Variants in CACNA2D4 observed in about 807,000 individuals in gnomAD.
CACNA2D4 encodes calcium voltage-gated channel auxiliary subunit alpha2delta 4.
In CACNA2D4, 157 loss-of-function variants were observed where a neutral mutation model predicts 163.8. The observed-to-expected ratio is 0.96, with a 90% CI of 0.84 to 1.09. CACNA2D4 has a LOEUF of 1.09. CACNA2D4 is among the 50% of genes least tolerant of loss of function. The pLI is 0.00. For synonymous variants in CACNA2D4, 598 were observed against 586.9 expected (o/e 1.02, Z -0.27); for missense variants, 1,410 against 1,479.9 (o/e 0.95, Z 0.78).
In CACNA2D4 at chr12:1,805,932, C is replaced by T. The variant is rs570206442; in HGVS notation, c.2722-4288G>A. On this transcript the variant is annotated intron_variant, in intron 29 of 37. Coordinates refer to ENST00000382722, the MANE Select transcript of CACNA2D4 (RefSeq NM_172364.5). ...GGAAGGTGAGAGGGATTCAGAGAAA[C>T]AGGAGCCGAGGCCCAGAAAGGCATG... is the stretch of plus-strand genomic sequence containing the variant. 3.3e-5 allele frequency among the ~76,000 whole-genome samples: 5 copies of T among 152,342 alleles called. No individual in the cohort carries two copies. The South Asian group carries it at 1.0e-3, about 32-fold the overall frequency.
chr12:1,806,877 G>GAA lies in CACNA2D4; in HGVS notation c.2721+3399_2721+3400dup, dbSNP rs1863555561. 6.6e-6 allele frequency among the ~76,000 whole-genome samples: 1 copy of GAA among 152,062 alleles called. No homozygotes were observed. Among genetic ancestry groups the GAA allele is most frequent in the Non-Finnish European group, 1.5e-5 (1 of 68,016 alleles). ...GAGATAAGCAGGGAGGAGCAGTGAG[G>GAA]AATGAATGAGTTAGGGGAGGCCAGG... is the stretch of plus-strand genomic sequence containing the variant. On this transcript the variant is annotated intron_variant, in intron 29 of 37. Coordinates refer to ENST00000382722, the MANE Select transcript of CACNA2D4 (RefSeq NM_172364.5). This position sits in a 1 kb window ranked among gnomAD's most constrained non-coding sequence, Gnocchi z 4.1.
intron 26 of CACNA2D4, among the ~76,000 whole-genome samples, chr12:1,824,480 T>C (rs1356674694): frequency 2.0e-5 from 3 of 152,186 alleles, no homozygotes; most frequent in African/African-American, 7.2e-5. Context: ...TGGCTCTCTC[T>C]GGAAGGGAGG....
intron 18 of CACNA2D4, among the ~76,000 whole-genome samples, chr12:1,863,621 T>C (rs1865572091): frequency 6.6e-6 from 1 of 152,246 alleles, no homozygotes; most frequent in African/African-American, 2.4e-5. Context: ...GTTTTCAGTG[T>C]AGAGGTCATA....
At chr12:1,881,388 G>A (rs1310552581) in intron 13 of CACNA2D4, among the ~76,000 whole-genome samples, 1 of 152,218 alleles carries the variant, frequency 6.6e-6, no homozygotes, top group African/African-American at 2.4e-5. Flanking sequence ...AACACTCCAG[G>A]CCACCTTCAG....
rs1001061877 is a variant in CACNA2D4, at chr12:1,799,974, A to G, written c.2974+26T>C. On this transcript the variant is annotated intron_variant, in intron 33 of 37. Coordinates refer to ENST00000382722, the MANE Select transcript of CACNA2D4 (RefSeq NM_172364.5). This position sits in a 1 kb window ranked among gnomAD's most constrained non-coding sequence, Gnocchi z 4.7. The stretch of plus-strand genomic sequence containing the variant: ...CCAAAATGCCACTGCTCTTCAGCAC[A>G]TGGCCCTGCAGCTCCGTGCACTCAC... 5.6e-6 allele frequency: 9 copies of G among 1,594,874 alleles called. No individual in the cohort carries two copies. In the African/African-American group the frequency reaches 1.2e-4, roughly 21 times the overall value.
intron 29 of CACNA2D4, chr12:1,809,549 TTCTC>T: frequency 4.3e-6 from 3 of 703,016 alleles, no homozygotes; most frequent in Non-Finnish European, 7.8e-6. Flanking sequence ...ATGGGCTTCT[TTCTC>T]AGTTTGATTC....
chr12:1,894,386 G>T (rs1866354419), intron 6 of CACNA2D4, among the ~76,000 whole-genome samples: 2 of 152,132 alleles, frequency 1.3e-5, no homozygotes, highest in South Asian at 4.1e-4. Context: ...CTCGTTCTGT[G>T]AGGCCAGCAT....
chr12:1,901,236 A>G (rs529163775), intron 6 of CACNA2D4, among the ~76,000 whole-genome samples: 3 of 152,276 alleles, frequency 2.0e-5, no homozygotes, highest in South Asian at 2.1e-4. Flanking sequence ...TTACGTGTCT[A>G]CATCAAGAAA....
intron 23 of CACNA2D4, among the ~76,000 whole-genome samples, chr12:1,851,098 G>C (rs575475868): frequency 2.6e-5 from 4 of 151,808 alleles, no homozygotes; most frequent in African/African-American, 9.7e-5. Context: ...TCACAGGCTG[G>C]TCTTGAACTT....
At position 1,793,679 on chromosome 12, in the gene CACNA2D4, C is replaced by A. The variant is rs1565665628; in HGVS notation, c.3390G>T (p.Gly1130=). The change falls in exon 38 of 38, where the codon GGG becomes GGT. Residue 1130 remains glycine, a synonymous_variant. Transcript: ENST00000382722. The part of the protein sequence containing the change: ...PLLLLPVCAW[G]LLPQLLR The stretch of plus-strand genomic sequence containing the variant: ...GTCACCGCAGGAGTTGGGGCAGTAG[C>A]CCCCAGGCACACACAGGCAGCAGGA... 2.5e-6 allele frequency: 4 copies of A among 1,613,546 alleles called. No homozygotes were observed. Among genetic ancestry groups the A allele is most frequent in the Non-Finnish European group, 3.4e-6 (4 of 1,179,732 alleles).
intron 6 of CACNA2D4, among the ~76,000 whole-genome samples, chr12:1,906,468 A>T (rs911082731): frequency 6.6e-6 from 1 of 152,256 alleles, no homozygotes; most frequent in African/African-American, 2.4e-5. Context: ...CTAAAACTCA[A>T]CAACAATAAA....
chr12:1,848,683 A>C (rs1865207036), intron 23 of CACNA2D4, among the ~76,000 whole-genome samples: 1 of 152,004 alleles, frequency 6.6e-6, no homozygotes, highest in South Asian at 2.1e-4. Flanking sequence ...CAATCTTCCA[A>C]AGATGGCCAA....
chr12:1,851,158 C>T (rs564060792), intron 23 of CACNA2D4, among the ~76,000 whole-genome samples: 2 of 152,208 alleles, frequency 1.3e-5, no homozygotes, highest in Non-Finnish European at 2.9e-5. Context: ...GCTGGGACTA[C>T]AGGCACGAGC....
At position 1,840,750 on chromosome 12, in the gene CACNA2D4, G is replaced by T. The variant is rs763608895; in HGVS notation, c.2540C>A (p.Ala847Asp). 6.2e-7 allele frequency: 1 copy of T among 1,613,686 alleles called. No homozygotes were observed. The highest frequency in any genetic ancestry group is 1.7e-5 in the Admixed American group (1 of 60,028). The change falls in exon 26 of 38, where the codon GCC (alanine) becomes GAC (aspartate). Residue 847 changes from alanine (A) to aspartate (D), a missense_variant. Ala to Asp is a moderately radical substitution (Grantham distance 126). Coordinates refer to ENST00000382722, the MANE Select transcript of CACNA2D4 (RefSeq NM_172364.5). ...AGGGCCGTTCCTACCTGCAGCAATG[G>T]CTGTCCTCTTGTCCACGGTCACCGC... ...AVAVTVDKRTAIAAAAGVQMK... is the reference protein window; with the variant it reads ...AVAVTVDKRTDIAAAAGVQMK...
Position 1,828,835 on chromosome 12 carries a change from T to C in CACNA2D4, c.2551+11904A>G, listed in dbSNP as rs937883474. ...TACCAAAAAGGGGAGGAAGCGTGAA[T>C]GAAGGCAACACTTGGCAGCTGTCAG... On this transcript the variant is annotated intron_variant, in intron 26 of 37. Transcript: ENST00000382722. The surrounding 1 kb of genome is among the most constrained non-coding windows in gnomAD (Gnocchi z 4.2). Among the ~76,000 whole-genome samples the C allele has an allele frequency of 6.6e-6, 1 of 152,106 alleles. No individual in the cohort carries two copies. Among genetic ancestry groups the C allele is most frequent in the Admixed American group, 6.5e-5 (1 of 15,284 alleles).
intron 26 of CACNA2D4, among the ~76,000 whole-genome samples, chr12:1,824,126 C>T (rs1413502891): frequency 1.3e-5 from 2 of 152,114 alleles, no homozygotes; most frequent in South Asian, 2.1e-4. Flanking sequence ...TTTTTTCTCC[C>T]CAGGTCCCAG....
At chr12:1,906,840 G>C (rs1365994625) in intron 6 of CACNA2D4, among the ~76,000 whole-genome samples, 2 of 152,220 alleles carry the variant, frequency 1.3e-5, no homozygotes, top group Non-Finnish European at 2.9e-5. Context: ...GGGCCTTTCT[G>C]GTTTCCTGTT....
At chr12:1,877,501 A>G (rs1301477130) in intron 16 of CACNA2D4, among the ~76,000 whole-genome samples, 1 of 152,218 alleles carries the variant, frequency 6.6e-6, no homozygotes, top group Non-Finnish European at 1.5e-5. Flanking sequence ...TGCCTTAAAT[A>G]GTTAATCATT....
chr12:1,917,017 GGT>G lies in CACNA2D4; in HGVS notation c.227+1228_227+1229del, dbSNP rs1867000521. Among the ~76,000 whole-genome samples the G allele has an allele frequency of 6.6e-6, 1 of 152,314 alleles. No individual in the cohort carries two copies. Among genetic ancestry groups the G allele is most frequent in the East Asian group, 1.9e-4 (1 of 5,176 alleles). On this transcript the variant is annotated intron_variant, in intron 1 of 37. Coordinates refer to ENST00000382722, the MANE Select transcript of CACNA2D4 (RefSeq NM_172364.5). This position sits in a 1 kb window ranked among gnomAD's most constrained non-coding sequence, Gnocchi z 4.3. ...TGGAGTTGGCCCTCTCCTATCAGCTGGTGTGTGTTCTGGGGATGAAAATTGTT... is the reference window on the plus strand; with the variant it reads ...TGGAGTTGGCCCTCTCCTATCAGCTGGTGTGTTCTGGGGATGAAAATTGTT...
Sources: gnomAD v4.1 joint callset for allele counts (sites outside exome capture counted in the v4.1 genomes callset) on GRCh38, gnomAD v4.1.1 for gene constraint, Gnocchi (gnomAD v3.1) non-coding constraint, MANE v1.5 for transcripts, NCBI Gene and HGNC (gene_info 2026-07-23, HGNC 2026-07-21) for gene names.